Variants in TDP1 observed in about 807,000 individuals in gnomAD.
TDP1 encodes tyr-DNA phosphodiesterase 1.
Under a neutral mutation model 81.5 loss-of-function variants are expected in TDP1, and 64 were observed. The observed-to-expected ratio is 0.79, with a 90% CI of 0.64 to 0.97. TDP1 has a LOEUF of 0.97. Among genes scored for constraint, TDP1 ranks in the 50% least tolerant of loss-of-function variants. TDP1 has a pLI of 0.00. For missense variants in TDP1, 723 were observed against 743.8 expected (o/e 0.97, Z 0.33); for synonymous variants, 256 against 264.3 (o/e 0.97, Z 0.30).
intron 14 of TDP1, among the ~76,000 whole-genome samples, chr14:90,006,439 C>T (rs1388045597): frequency 2.6e-5 from 4 of 152,242 alleles, no homozygotes; most frequent in African/African-American, 7.2e-5. Context: ...AGTGCAATGG[C>T]ATGCTCACTG....
chr14:89,966,395 G>A (rs1892952898), intron 4 of TDP1, among the ~76,000 whole-genome samples: 1 of 152,168 alleles, frequency 6.6e-6, no homozygotes, highest in South Asian at 2.1e-4. Context: ...TATCAGGAGA[G>A]CATTTGACTC....
chr14:89,968,825 A>G lies in TDP1; in HGVS notation c.659+1403A>G, dbSNP rs543438333. On this transcript the variant is annotated intron_variant, in intron 5 of 16. Coordinates refer to ENST00000335725, the MANE Select transcript of TDP1 (RefSeq NM_018319.4). ...AGACTGCAGTTCCTTTGTATCTGTT[A>G]TGAGTTAAATTATCTCACCCCCAAA... Among the ~76,000 whole-genome samples the G allele has an allele frequency of 1.1e-4, 16 of 152,302 alleles. 1 individual carries two copies. In the South Asian group the frequency reaches 3.3e-3, roughly 32 times the overall value.
chr14:90,004,627 T>C (rs1360566923), intron 14 of TDP1, among the ~76,000 whole-genome samples: 8 of 152,204 alleles, frequency 5.3e-5, no homozygotes, highest in African/African-American at 1.9e-4. Flanking sequence ...ATGTGCCAGG[T>C]GCTATTCTAA....
In TDP1 at chr14:90,031,636, G is replaced by A. The variant is rs144367463; in HGVS notation, c.1645-1470G>A. 8.4e-4 allele frequency among the ~76,000 whole-genome samples: 128 copies of A among 152,162 alleles called. 1 individual carries two copies. The highest frequency in any genetic ancestry group is 3.0e-3 in the African/African-American group (124 of 41,494). On this transcript the variant is annotated intron_variant, in intron 15 of 16. Coordinates refer to ENST00000335725, the MANE Select transcript of TDP1 (RefSeq NM_018319.4). ...CACACCACTGCACTCCAGACTGGGTGACAGAGTGAGACTCTGTCTCCAAAA... is the reference window on the plus strand; with the variant it reads ...CACACCACTGCACTCCAGACTGGGTAACAGAGTGAGACTCTGTCTCCAAAA...
chr14:89,975,613 C>T (rs1894211537), intron 6 of TDP1, 168 bp from the exon 7 acceptor site: 3 of 461,260 alleles, frequency 6.5e-6, no homozygotes, highest in Admixed American at 6.6e-5. Context: ...ATGAGCGTCC[C>T]CAGATGCTAT....
At chr14:89,955,568 C>T (rs1355596670), upstream of TDP1, 1 of 152,280 alleles carries the variant, frequency 6.6e-6, no homozygotes, top group African/African-American at 2.4e-5. Context: ...TCCCAGGACA[C>T]AGGTCTCCTT....
At chr14:89,977,305 T>A (rs34745798) in intron 7 of TDP1, among the ~76,000 whole-genome samples, 14,410 of 150,990 alleles carry the variant, frequency 0.095, 1,736 homozygotes, top group African/African-American at 0.28. Context: ...TAAAAAAAAA[T>A]TTTTTTTTTG....
intron 6 of TDP1, among the ~76,000 whole-genome samples, chr14:89,974,037 C>T (rs146042001): frequency 6.5e-4 from 99 of 152,202 alleles, no homozygotes; most frequent in African/African-American, 2.1e-3. Context: ...CCATAAAGTC[C>T]CTCTCTGCAA....
At chr14:90,041,180 T>C (rs1888315688) in intron 16 of TDP1, among the ~76,000 whole-genome samples, 1 of 152,164 alleles carries the variant, frequency 6.6e-6, no homozygotes, top group African/African-American at 2.4e-5. Context: ...AAACGATGGG[T>C]AAATAACAGA....
chr14:89,989,570 CATAAG>C lies in TDP1; in HGVS notation c.1318-144_1318-140del, dbSNP rs980529746. 3.9e-4 allele frequency: 419 copies of C among 1,086,176 alleles called. 2 individuals carry two copies. In the African/African-American group the frequency reaches 5.3e-3, roughly 14 times the overall value. 67.3% of individuals were successfully genotyped at this position (1,086,176 alleles called of 1,614,324 possible). A position where few individuals can be genotyped will look rare whatever the true frequency, so the allele number is the denominator to read the frequency against. On this transcript the variant is annotated intron_variant, in intron 11 of 16. Coordinates refer to ENST00000335725, the MANE Select transcript of TDP1 (RefSeq NM_018319.4). Reference sequence around the variant, plus strand: ...TGTTTAATTACTAGTTCATTTTTTTCATAAGATGAGAACTTTTAAAAATTTAAAGC... The same window carrying C: ...TGTTTAATTACTAGTTCATTTTTTTCATGAGAACTTTTAAAAATTTAAAGC...
intron 10 of TDP1, among the ~76,000 whole-genome samples, chr14:89,985,824 C>T (rs1895494649): frequency 6.6e-6 from 1 of 152,086 alleles, no homozygotes; most frequent in Non-Finnish European, 1.5e-5. Flanking sequence ...GTTAGGAGTT[C>T]AAGACCAGCC....
At chr14:89,977,518 G>A (rs1596537704) in intron 7 of TDP1, among the ~76,000 whole-genome samples, 1 of 152,142 alleles carries the variant, frequency 6.6e-6, no homozygotes. Context: ...GGCTGGTCTC[G>A]AACTCCTGAC....
intron 4 of TDP1, among the ~76,000 whole-genome samples, chr14:89,966,396 C>A (rs867730252): frequency 6.6e-6 from 1 of 152,146 alleles, no homozygotes; most frequent in Non-Finnish European, 1.5e-5. Context: ...ATCAGGAGAG[C>A]ATTTGACTCA....
intron 10 of TDP1, chr14:89,988,420 G>A (rs1301724867): frequency 5.1e-6 from 1 of 196,468 alleles, no homozygotes; most frequent in Non-Finnish European, 9.2e-6. Flanking sequence ...AGTTGCCTAG[G>A]GTCTGCCAGC....
intron 5 of TDP1, chr14:89,970,769 A>G (rs1893532728): frequency 2.1e-6 from 2 of 951,488 alleles, no homozygotes; most frequent in South Asian, 9.7e-5. Flanking sequence ...ATATCGAGTG[A>G]TAAGGAAGCT....
At chr14:89,998,394 ATAT>A (rs1248444677) in intron 14 of TDP1, among the ~76,000 whole-genome samples, 81 of 111,266 alleles carry the variant, frequency 7.3e-4, no homozygotes, top group Non-Finnish European at 1.1e-3. Flanking sequence ...ATATATATAT[ATAT>A]ATATATATAT....
At position 89,966,106 on chromosome 14, in the gene TDP1, T is replaced by C. The variant is rs374944104; in HGVS notation, c.560-41T>C. ...AGTAGTGATTATTATGACTAGAGGA[T>C]TTTTGTGAGTGTGAATTTGATATAT... On this transcript the variant is annotated intron_variant, in intron 3 of 16. Coordinates refer to ENST00000335725, the MANE Select transcript of TDP1 (RefSeq NM_018319.4). 3.3e-4 allele frequency: 459 copies of C among 1,390,162 alleles called. No individual in the cohort carries two copies. The African/African-American group carries it at 5.0e-3, about 15-fold the overall frequency. The allele number at this position is 1,390,162 out of a possible 1,614,324, so 86.1% of individuals were successfully genotyped here. A position where few individuals can be genotyped will look rare whatever the true frequency, so the allele number is the denominator to read the frequency against.
At chr14:90,034,156 G>A (rs1887594746) in intron 16 of TDP1, among the ~76,000 whole-genome samples, 2 of 152,188 alleles carry the variant, frequency 1.3e-5, no homozygotes, top group Admixed American at 1.3e-4. Context: ...GCCTCTTTAT[G>A]TGCATCTTAA....
At chr14:90,035,599 C>T (rs1887737532) in intron 16 of TDP1, among the ~76,000 whole-genome samples, 1 of 152,162 alleles carries the variant, frequency 6.6e-6, no homozygotes. Flanking sequence ...CAGTGAGGAA[C>T]TGTGAGTATC....
Sources: allele counts gnomAD v4.1 joint callset (sites outside exome capture counted in the v4.1 genomes callset), GRCh38; gene constraint gnomAD v4.1.1; transcripts MANE v1.5; gene names NCBI Gene and HGNC (gene_info 2026-07-23, HGNC 2026-07-21).